Variants in ATPSCKMT observed in about 807,000 individuals in gnomAD.
ATPSCKMT encodes ATP synthase c subunit lysine N-methyltransferase.
Under a neutral mutation model 24.3 loss-of-function variants are expected in ATPSCKMT, and 24 were observed. The ratio of observed to expected loss-of-function variants is 0.99; its 90% CI spans 0.71 to 1.39. The LOEUF (loss-of-function observed/expected upper bound fraction) is 1.39. ATPSCKMT is among the 40% of genes most tolerant of loss of function. The pLI is 0.00. For missense variants in ATPSCKMT, 311 were observed against 298.4 expected (o/e 1.04, Z -0.31); for synonymous variants, 95 against 110.5 (o/e 0.86, Z 0.88).
chr5:10,233,175 G>C (rs1180945103), intron 4 of ATPSCKMT, among the ~76,000 whole-genome samples: 1 of 152,164 alleles, frequency 6.6e-6, no homozygotes, highest in Non-Finnish European at 1.5e-5. Flanking sequence ...CTGGGCATCA[G>C]CAGGGAACGT....
At position 10,236,558 on chromosome 5, in the gene ATPSCKMT, G is replaced by A; in HGVS notation, c.364C>T (p.Leu122=). 1 of 1,614,156 alleles carries A rather than the reference G, an allele frequency of 6.2e-7. No homozygotes were observed. The highest frequency in any genetic ancestry group is 1.3e-5 in the African/African-American group (1 of 75,024). Reference sequence around the variant, plus strand: ...GCGCGGTATCTGGAATACCAAACTAGCCATGGGTTTAATTCATAACCAACT... The same window carrying A: ...GCGCGGTATCTGGAATACCAAACTAACCATGGGTTTAATTCATAACCAACT... ...TAVGYELNPW[L]VWYSRYRAWR... The change falls in exon 3 of 5, where the codon CTA becomes TTA. Residue 122 remains leucine (L), a synonymous_variant. Transcript: ENST00000511437.
intron 1 of ATPSCKMT, among the ~76,000 whole-genome samples, chr5:10,246,913 GA>G (rs1358692773): frequency 6.6e-6 from 1 of 152,172 alleles, no homozygotes; most frequent in African/African-American, 2.4e-5. Flanking sequence ...CCAACAATGG[GA>G]CCAGTGAGGT....
chr5:10,238,383 C>T (rs574512661), intron 2 of ATPSCKMT, among the ~76,000 whole-genome samples: 4 of 152,274 alleles, frequency 2.6e-5, no homozygotes, highest in South Asian at 2.1e-4. Context: ...CTGTAGGAGC[C>T]GGTGAAAGGT....
chr5:10,229,672 A>G (rs1744034981), intron 4 of ATPSCKMT, among the ~76,000 whole-genome samples: 1 of 152,216 alleles, frequency 6.6e-6, no homozygotes, highest in Non-Finnish European at 1.5e-5. Flanking sequence ...CTAGATGTAC[A>G]GTTGGCACTC....
intron 4 of ATPSCKMT, among the ~76,000 whole-genome samples, chr5:10,234,117 C>G (rs920976183): frequency 2.6e-5 from 4 of 152,152 alleles, no homozygotes; most frequent in Non-Finnish European, 4.4e-5. Flanking sequence ...CACTGGAGGT[C>G]AGGAATTCAA....
rs542871389 is a variant in ATPSCKMT at position 10,231,915 on chromosome 5, C to T, written c.495+3296G>A. Among the ~76,000 whole-genome samples, 7 of 152,314 alleles carry T rather than the reference C, an allele frequency of 4.6e-5. No homozygotes were observed. The South Asian group carries it at 1.4e-3, about 32-fold the overall frequency. On this transcript the variant is annotated intron_variant, in intron 4 of 4. Coordinates refer to ENST00000511437, the MANE Select transcript of ATPSCKMT (RefSeq NM_199133.4). ...ATGATAATATTTTTGTTCATCAGTT[C>T]ATAAAAGCCAAGCATGGTGGCTCAC...
rs1743927978 is a variant in ATPSCKMT, at chr5:10,227,384, AG to A, written c.*56del. The A allele has an allele frequency of 1.3e-6, 2 of 1,561,876 alleles. No individual in the cohort carries two copies. The highest frequency in any genetic ancestry group is 1.8e-6 in the Non-Finnish European group (2 of 1,138,630). ...CTCCTTTGCTAAGGACACAGCTGTA[AG>A]TCTCTACAAGATCAGGGAAGACTAC... On this transcript the variant is annotated 3_prime_UTR_variant, in exon 5 of 5. Coordinates refer to ENST00000511437, the MANE Select transcript of ATPSCKMT (RefSeq NM_199133.4).
At chr5:10,232,090 C>A (rs1744164464) in intron 4 of ATPSCKMT, among the ~76,000 whole-genome samples, 1 of 152,036 alleles carries the variant, frequency 6.6e-6, no homozygotes, top group Non-Finnish European at 1.5e-5. Flanking sequence ...GTATTCCCAG[C>A]GACTTGGCAG....
At position 10,239,223 on chromosome 5, in the gene ATPSCKMT, A is replaced by G. The variant is rs941830506; in HGVS notation, c.150T>C (p.Ala50=). ...LTGLVGGTLV[A]VYAVATPFVT... is the part of the protein sequence containing the mutation. ...CAAACGGCGTGGCTACAGCGTACACAGCCACCAGGGTGCCACCCACAAGCC... is the reference window on the plus strand; with the variant it reads ...CAAACGGCGTGGCTACAGCGTACACGGCCACCAGGGTGCCACCCACAAGCC... Residue 50 remains alanine (A), a synonymous_variant, in exon 2 of 5, where the codon GCT becomes GCC. Coordinates refer to ENST00000511437, the MANE Select transcript of ATPSCKMT (RefSeq NM_199133.4). The G allele has an allele frequency of 1.2e-6, 2 of 1,614,112 alleles. No homozygotes were observed. Among genetic ancestry groups the G allele is most frequent in the African/African-American group, 2.7e-5 (2 of 74,936 alleles).
intron 3 of ATPSCKMT, among the ~76,000 whole-genome samples, chr5:10,235,667 A>G (rs1291682882): frequency 6.6e-6 from 1 of 152,240 alleles, no homozygotes; most frequent in Non-Finnish European, 1.5e-5. Flanking sequence ...AGGAGACTTC[A>G]GAACCATCTG....
chr5:10,246,680 C>T (rs1744946451), intron 1 of ATPSCKMT, among the ~76,000 whole-genome samples: 1 of 152,188 alleles, frequency 6.6e-6, no homozygotes, highest in African/African-American at 2.4e-5. Context: ...ATTAAACAAA[C>T]ACAAGTCAGA....
At position 10,239,222 on chromosome 5, in the gene ATPSCKMT, C is replaced by G; in HGVS notation, c.151G>C (p.Val51Leu). 1 of 1,614,222 alleles carries G rather than the reference C, an allele frequency of 6.2e-7. No homozygotes were observed. Among genetic ancestry groups the G allele is most frequent in the Non-Finnish European group, 8.5e-7 (1 of 1,180,040 alleles). The change falls in exon 2 of 5, where the codon GTG becomes CTG. Residue 51 changes from valine (V) to leucine (L), a missense_variant. Transcript: ENST00000511437. ...ACAAACGGCGTGGCTACAGCGTACA[C>G]AGCCACCAGGGTGCCACCCACAAGC... ...TGLVGGTLVA[V>L]YAVATPFVTP... is the part of the protein sequence containing the mutation.
chr5:10,239,022 T>G, intron 2 of ATPSCKMT, 45 bp downstream of exon 2: 1 of 1,578,928 alleles, frequency 6.3e-7, no homozygotes, highest in Non-Finnish European at 8.6e-7. Context: ...AAGCAGAAAT[T>G]TTAAGTTCTG....
At chr5:10,249,248 TAC>T (rs1374962295) in intron 1 of ATPSCKMT, among the ~76,000 whole-genome samples, 3 of 124,790 alleles carry the variant, frequency 2.4e-5, no homozygotes, top group South Asian at 2.6e-4. Flanking sequence ...CAGCCCGGGC[TAC>T]AGTCTTGTCT....
intron 4 of ATPSCKMT, among the ~76,000 whole-genome samples, chr5:10,231,579 C>T (rs6887347): frequency 0.11 from 16,254 of 151,970 alleles, 1,131 homozygotes; most frequent in Non-Finnish European, 0.15. Context: ...TCCCTGCACG[C>T]CCCCTCCCTA....
intron 1 of ATPSCKMT, among the ~76,000 whole-genome samples, chr5:10,240,833 T>C (rs1390035076): frequency 2.0e-5 from 3 of 151,570 alleles, no homozygotes; most frequent in Non-Finnish European, 4.4e-5. Context: ...CCATCTCTAC[T>C]AAAAACACAA....
chr5:10,246,982 G>A (rs1205441392), intron 1 of ATPSCKMT, among the ~76,000 whole-genome samples: 1 of 152,242 alleles, frequency 6.6e-6, no homozygotes, highest in East Asian at 1.9e-4. Context: ...GAACCAAGGT[G>A]TGGAAGGCAG....
At chr5:10,232,286 T>C (rs963198668) in intron 4 of ATPSCKMT, among the ~76,000 whole-genome samples, 1 of 152,238 alleles carries the variant, frequency 6.6e-6, no homozygotes, top group African/African-American at 2.4e-5. Context: ...GATAGCTTTC[T>C]GGGAAAAGTA....
chr5:10,249,262 A>AG (rs956400093), intron 1 of ATPSCKMT: 2 of 32,328 alleles, frequency 6.2e-5, no homozygotes, highest in African/African-American at 1.3e-4. Flanking sequence ...GTCTTGTCTC[A>AG]AAAAAAAAAA....
Sources: gnomAD v4.1 joint callset for allele counts (sites outside exome capture counted in the v4.1 genomes callset) on GRCh38, gnomAD v4.1.1 for gene constraint, MANE v1.5 for transcripts, NCBI Gene and HGNC (gene_info 2026-07-23, HGNC 2026-07-21) for gene names.